The following MAML3 variants were observed in gnomAD, a reference collection of about 807,000 sequenced individuals.
MAML3 encodes the protein mastermind like transcriptional coactivator 3.
MAML3 carries 27 observed loss-of-function variants against 101.9 expected under a neutral mutation model. The ratio of observed to expected loss-of-function variants is 0.27; its 90% CI spans 0.20 to 0.37. The LOEUF (loss-of-function observed/expected upper bound fraction) is 0.37, where lower values mean the gene tolerates loss of function less well. Among genes scored for constraint, MAML3 ranks in the 10% least tolerant of loss-of-function variants. The pLI, the probability that MAML3 is intolerant of heterozygous loss-of-function variation, is 1.00. For synonymous variants in MAML3, 501 were observed against 555.9 expected, an observed-to-expected ratio of 0.90 and a Z score of 1.39; for missense variants, 1,316 against 1,444.9, an observed-to-expected ratio of 0.91 and a Z score of 1.45.
intron 1 of MAML3, among the ~76,000 whole-genome samples, chr4:139,916,586 G>T (rs575101989): frequency 8.5e-5 from 13 of 152,332 alleles, no homozygotes; most frequent in African/African-American, 2.9e-4. Context: ...CTGTGCTCCA[G>T]GTGGCCATGG....
intron 2 of MAML3, among the ~76,000 whole-genome samples, chr4:139,856,688 G>A (rs1731669493): frequency 1.3e-5 from 2 of 152,150 alleles, no homozygotes; most frequent in African/African-American, 2.4e-5. Flanking sequence ...TAAGAAAATC[G>A]GCAATCTTTC....
chr4:139,756,628 G>A (rs1729656890), intron 2 of MAML3, among the ~76,000 whole-genome samples: 1 of 152,172 alleles, frequency 6.6e-6, no homozygotes, highest in Non-Finnish European at 1.5e-5. Flanking sequence ...TGACTTGGTT[G>A]TGGCTGTGCT....
intron 1 of MAML3, among the ~76,000 whole-genome samples, chr4:140,024,074 T>C (rs1050698588): frequency 7.9e-5 from 12 of 152,118 alleles, no homozygotes; most frequent in Admixed American, 7.9e-4. Flanking sequence ...CTAAGTAATG[T>C]ATATGTGTGT....
chr4:139,943,769 C>T (rs1270531564), intron 1 of MAML3, among the ~76,000 whole-genome samples: 4 of 151,790 alleles, frequency 2.6e-5, no homozygotes, highest in Admixed American at 2.6e-4. Context: ...ATGCTAAATA[C>T]CACCTTTCTG....
intron 2 of MAML3, among the ~76,000 whole-genome samples, chr4:139,792,748 C>CTT (rs397975047): frequency 2.8e-5 from 4 of 142,602 alleles, no homozygotes; most frequent in East Asian, 2.0e-4. Flanking sequence ...TTCTTTCTTT[C>CTT]TTTTTTTTTT....
intron 2 of MAML3, among the ~76,000 whole-genome samples, chr4:139,772,567 T>G (rs988360237): frequency 6.6e-6 from 1 of 151,172 alleles, no homozygotes; most frequent in African/African-American, 2.4e-5. Flanking sequence ...GGTCTCGAAC[T>G]CCTGACCTCA....
intron 1 of MAML3, among the ~76,000 whole-genome samples, chr4:140,112,361 AG>A (rs1269559332): frequency 6.6e-6 from 1 of 152,148 alleles, no homozygotes; most frequent in Non-Finnish European, 1.5e-5. Flanking sequence ...CATTTCTCCA[AG>A]TCATGCTCCA....
At chr4:139,924,042 A>G (rs926718967) in intron 1 of MAML3, among the ~76,000 whole-genome samples, 3 of 152,204 alleles carry the variant, frequency 2.0e-5, no homozygotes, top group African/African-American at 7.2e-5. Flanking sequence ...GAAACATTTT[A>G]ATTTCTTTTC....
At chr4:139,900,366 A>C (rs1381794811) in intron 1 of MAML3, among the ~76,000 whole-genome samples, 3 of 152,186 alleles carry the variant, frequency 2.0e-5, no homozygotes. Flanking sequence ...TTATGCTTAA[A>C]CATGTAATAA....
At position 139,719,157 on chromosome 4, in the gene MAML3, G is replaced by C. The variant is rs1299657713; in HGVS notation, c.*166C>G. 1.4e-6 allele frequency: 1 copy of C among 710,656 alleles called. No individual in the cohort carries two copies. Among genetic ancestry groups the C allele is most frequent in the Non-Finnish European group, 2.2e-6 (1 of 446,658 alleles). 44.0% of individuals were successfully genotyped at this position (710,656 alleles called of 1,614,324 possible). The stretch of plus-strand genomic sequence containing the variant: ...TGAAAATCAGGTGAAATGAGGCCTG[G>C]TGGGGCTGTGGATTGGCACCTGGAT... On this transcript the variant is annotated 3_prime_UTR_variant, in exon 5 of 5. Transcript: ENST00000509479.
chr4:139,869,031 T>C (rs1218267776), intron 2 of MAML3, among the ~76,000 whole-genome samples: 2 of 152,314 alleles, frequency 1.3e-5, no homozygotes, highest in East Asian at 3.9e-4. Flanking sequence ...CAGAAATGGG[T>C]GGGGCACTCA....
intron 2 of MAML3, among the ~76,000 whole-genome samples, chr4:139,862,353 CCA>C (rs1731799041): frequency 6.6e-6 from 1 of 151,900 alleles, no homozygotes; most frequent in Non-Finnish European, 1.5e-5. Flanking sequence ...TGTTTGGAAA[CCA>C]CAGAGTTATC....
chr4:140,116,505 G>A (rs953949062), intron 1 of MAML3, among the ~76,000 whole-genome samples: 9 of 152,172 alleles, frequency 5.9e-5, no homozygotes, highest in Non-Finnish European at 1.2e-4. Context: ...GGCTGACAAA[G>A]AAATACAAAA....
At chr4:140,002,308 T>C (rs1166703542) in intron 1 of MAML3, among the ~76,000 whole-genome samples, 2 of 152,216 alleles carry the variant, frequency 1.3e-5, no homozygotes, top group Non-Finnish European at 2.9e-5. Flanking sequence ...ATCATGCACA[T>C]TTGTCTTCCT....
intron 1 of MAML3, among the ~76,000 whole-genome samples, chr4:140,014,175 T>C (rs1726607650): frequency 1.3e-5 from 2 of 152,234 alleles, no homozygotes; most frequent in African/African-American, 4.8e-5. Context: ...CTAACACTAT[T>C]CTGACTTCCC....
intron 2 of MAML3, among the ~76,000 whole-genome samples, chr4:139,806,284 T>C (rs1730698962): frequency 6.6e-6 from 1 of 152,136 alleles, no homozygotes; most frequent in Admixed American, 6.5e-5. Context: ...AAGAAATATA[T>C]ATCCTATTTT....
At chr4:139,916,235 A>C (rs1170434770) in intron 1 of MAML3, among the ~76,000 whole-genome samples, 2 of 152,174 alleles carry the variant, frequency 1.3e-5, no homozygotes, top group African/African-American at 2.4e-5. Flanking sequence ...CTGAGATAGG[A>C]AAAAAAGGAA....
intron 1 of MAML3, among the ~76,000 whole-genome samples, chr4:139,954,881 T>C (rs981082444): frequency 5.9e-5 from 9 of 151,812 alleles, no homozygotes; most frequent in Non-Finnish European, 1.0e-4. Context: ...ACCATAAATA[T>C]ATACAAAAAT....
rs1216065271 is a variant in MAML3, at chr4:140,153,247, G to C, written c.81C>G (p.Gly27=). The C allele has an allele frequency of 2.5e-6, 4 of 1,601,752 alleles. No homozygotes were observed. The African/African-American group carries it at 4.0e-5, about 16-fold the overall frequency. ...TATTATTCACACCGATCCCGGCCCC[G>C]CCGAGGCTGCTGTTCAGGCTACTGT... The part of the protein sequence containing the change: ...CINSSLNSSL[G]GAGIGVNNTP... Residue 27 remains glycine (G), a synonymous_variant, in exon 1 of 5, where the codon GGC becomes GGG. Transcript: ENST00000509479.
Sources: allele counts gnomAD v4.1 joint callset (sites outside exome capture counted in the v4.1 genomes callset), GRCh38; gene constraint gnomAD v4.1.1; transcripts MANE v1.5; gene names NCBI Gene and HGNC (gene_info 2026-07-23, HGNC 2026-07-21).